Variants in TP53BP1 observed in about 807,000 individuals in gnomAD.
TP53BP1 encodes the protein TP53-binding protein 1.
In TP53BP1, 61 loss-of-function variants were observed where a neutral mutation model predicts 200.8. That is an observed-to-expected ratio of 0.30 (90% confidence interval 0.25 to 0.38). TP53BP1 has a LOEUF of 0.38. TP53BP1 is among the 10% of genes least tolerant of loss of function. The pLI, the probability that TP53BP1 is intolerant of heterozygous loss-of-function variation, is 1.00. For missense variants in TP53BP1, 2,144 were observed against 2,371.9 expected, an observed-to-expected ratio of 0.90 and a Z score of 2.00; for synonymous variants, 822 against 844.3, an observed-to-expected ratio of 0.97 and a Z score of 0.46.
Position 43,447,379 on chromosome 15 carries a change from G to C in TP53BP1, c.2823C>G (p.His941Gln). 1 of 1,599,734 alleles carries C rather than the reference G, an allele frequency of 6.3e-7. No individual in the cohort carries two copies. The highest frequency in any genetic ancestry group is 8.5e-7 in the Non-Finnish European group (1 of 1,176,672). The change falls in exon 13 of 28, where the codon CAC becomes CAG. Residue 941 changes from histidine (H) to glutamine (Q), a missense_variant. His to Gln is a conservative substitution (Grantham distance 24, BLOSUM62 0). Transcript: ENST00000382044. ...IGHLKLEPKR[H>Q]STPIGISNYP... Reference sequence around the variant, plus strand: ...TTATTCACTCACCAATAGGAGTACTGTGTCTCTTGGGCTCCAATTTTAGGT... The same window carrying C: ...TTATTCACTCACCAATAGGAGTACTCTGTCTCTTGGGCTCCAATTTTAGGT...
At chr15:43,470,322 A>G (rs567040143) in intron 10 of TP53BP1, among the ~76,000 whole-genome samples, 1 of 152,346 alleles carries the variant, frequency 6.6e-6, no homozygotes, top group Admixed American at 6.5e-5. Context: ...CTACCCACCC[A>G]TTCATAAAAA....
chr15:43,436,170 T>C (rs2045793555), intron 16 of TP53BP1, among the ~76,000 whole-genome samples: 1 of 152,064 alleles, frequency 6.6e-6, no homozygotes, highest in East Asian at 1.9e-4. Flanking sequence ...TTTGTACTTT[T>C]TGTAGAGACG....
In TP53BP1 at chr15:43,492,259, C is replaced by T. The variant is rs1278366623; in HGVS notation, c.192+25G>A. The T allele has an allele frequency of 5.0e-6, 8 of 1,594,122 alleles. No homozygotes were observed. The Admixed American group carries it at 1.3e-4, about 25-fold the overall frequency. On this transcript the variant is annotated intron_variant, in intron 2 of 27. Transcript: ENST00000382044. ...GTTTAAAAAAAAAAATCTGCTCAAT[C>T]TTCTTCAAACAAGGTATCACTCACC...
intron 20 of TP53BP1, 63 bp from the exon 21 acceptor site, chr15:43,420,798 C>T: frequency 6.9e-7 from 1 of 1,457,328 alleles, no homozygotes; most frequent in Non-Finnish European, 9.3e-7. Context: ...ATATATCTAC[C>T]AATTTTTCCA....
At chr15:43,487,483 T>G (rs1754584887) in intron 4 of TP53BP1, among the ~76,000 whole-genome samples, 1 of 152,114 alleles carries the variant, frequency 6.6e-6, no homozygotes, top group Non-Finnish European at 1.5e-5. Flanking sequence ...AAATGAAGAC[T>G]TATGCTCACA....
chr15:43,481,801 G>A (rs1206048140), intron 4 of TP53BP1, among the ~76,000 whole-genome samples: 2 of 131,798 alleles, frequency 1.5e-5, no homozygotes, highest in Admixed American at 7.4e-5. Context: ...GTGACAGAGC[G>A]AGACTCTGTC....
At chr15:43,469,834 AAC>A (rs1566953802) in intron 11 of TP53BP1, 22 bp downstream of exon 11, 1 of 1,584,482 alleles carries the variant, frequency 6.3e-7, no homozygotes, top group Admixed American at 1.7e-5. Flanking sequence ...TGTTAGGAGA[AAC>A]AACTCTTTTT....
intron 10 of TP53BP1, among the ~76,000 whole-genome samples, chr15:43,473,277 G>C (rs148812301): frequency 6.6e-6 from 1 of 152,202 alleles, no homozygotes; most frequent in Non-Finnish European, 1.5e-5. Flanking sequence ...CTGCTGGCTC[G>C]GGCAGCCTGC....
At chr15:43,447,000 AGACT>A (rs1000141565) in intron 13 of TP53BP1, 5 of 512,222 alleles carry the variant, frequency 9.8e-6, no homozygotes, top group African/African-American at 5.8e-5. Flanking sequence ...GTCAAGCAGC[AGACT>A]GACTAATTAG....
intron 24 of TP53BP1, among the ~76,000 whole-genome samples, chr15:43,410,946 G>T (rs1327718386): frequency 6.6e-6 from 1 of 152,180 alleles, no homozygotes; most frequent in Admixed American, 6.5e-5. Flanking sequence ...ATGGTTATAA[G>T]AAACTCAGAA....
chr15:43,446,367 A>AAG lies in TP53BP1; in HGVS notation c.3040+18_3040+19dup, dbSNP rs1470388399. On this transcript the variant is annotated intron_variant, in intron 14 of 27. Coordinates refer to ENST00000382044, the MANE Select transcript of TP53BP1 (RefSeq NM_001141980.3). Reference sequence around the variant, plus strand: ...GATAATCTGCAGCTACTAATTACCCAAGATTAACATAAAACTTACTTTCCA... The same window carrying AAG: ...GATAATCTGCAGCTACTAATTACCCAAGAGATTAACATAAAACTTACTTTCCA... 8.1e-6 allele frequency: 13 copies of AAG among 1,603,306 alleles called. No homozygotes were observed. The Admixed American group carries it at 2.2e-4, about 27-fold the overall frequency.
rs771896747 is a variant in TP53BP1, at chr15:43,477,639, C to G, written c.909G>C (p.Glu303Asp). Residue 303 changes from glutamate (E) to aspartate (D), a missense_variant, in exon 8 of 28, where the codon GAG becomes GAC. Around this residue, in one of 4 missense-constraint regions of TP53BP1, gnomAD observed 1,700 missense variants for 1,710.3 expected, o/e 0.99. Coordinates refer to ENST00000382044, the MANE Select transcript of TP53BP1 (RefSeq NM_001141980.3). ...GLQIQKSPEP[E>D]VLSTQEDLFD... ...ACAAGTCTTCCTGAGTTGACAAAACCTCAGGCTCTGGTGACTTCTGAATCT... is the reference window on the plus strand; with the variant it reads ...ACAAGTCTTCCTGAGTTGACAAAACGTCAGGCTCTGGTGACTTCTGAATCT... 6.2e-7 allele frequency: 1 copy of G among 1,613,758 alleles called. No homozygotes were observed. Among genetic ancestry groups the G allele is most frequent in the East Asian group, 2.2e-5 (1 of 44,850 alleles).
intron 18 of TP53BP1, among the ~76,000 whole-genome samples, chr15:43,423,993 A>G (rs2045468399): frequency 6.6e-6 from 1 of 152,148 alleles, no homozygotes; most frequent in South Asian, 2.1e-4. Flanking sequence ...GAATACAATG[A>G]TGACTCAGCT....
intron 11 of TP53BP1, among the ~76,000 whole-genome samples, chr15:43,464,932 T>A (rs1371078886): frequency 6.6e-6 from 1 of 151,514 alleles, no homozygotes; most frequent in Non-Finnish European, 1.5e-5. Flanking sequence ...AATAAATAAA[T>A]AAATAAAAAA....
chr15:43,432,464 T>C lies in TP53BP1; in HGVS notation c.3405A>G (p.Glu1135=). 1.9e-6 allele frequency: 3 copies of C among 1,614,218 alleles called. No homozygotes were observed. The highest frequency in any genetic ancestry group is 2.5e-6 in the Non-Finnish European group (3 of 1,180,026). Residue 1135 remains glutamate (E), a synonymous_variant, in exon 17 of 28, where the codon GAA becomes GAG. Coordinates refer to ENST00000382044, the MANE Select transcript of TP53BP1 (RefSeq NM_001141980.3). Reference sequence around the variant, plus strand: ...GATTTTCCTTATTAGTACTCCGTCCTTCTTTCTGGTCTTCTAGCACATCTG... The same window carrying C: ...GATTTTCCTTATTAGTACTCCGTCCCTCTTTCTGGTCTTCTAGCACATCTG... The part of the protein sequence containing the change: ...MVTDVLEDQK[E]GRSTNKENPS...
At chr15:43,501,793 C>T (rs1339959339) in intron 1 of TP53BP1, among the ~76,000 whole-genome samples, 1 of 152,206 alleles carries the variant, frequency 6.6e-6, no homozygotes, top group African/African-American at 2.4e-5. Flanking sequence ...CATTCTTTTT[C>T]ATTGCTCAGC....
intron 14 of TP53BP1, among the ~76,000 whole-genome samples, chr15:43,443,741 A>G (rs989828848): frequency 1.3e-5 from 2 of 152,186 alleles, no homozygotes; most frequent in African/African-American, 2.4e-5. Context: ...TTTCAAGAAC[A>G]TGCAGCAACA....
In TP53BP1 at chr15:43,405,045, C is replaced by A; in HGVS notation, c.*2338G>T. The A allele has an allele frequency of 1.3e-6, 1 of 767,408 alleles. No homozygotes were observed. Among genetic ancestry groups the A allele is most frequent in the Non-Finnish European group, 2.1e-6 (1 of 477,964 alleles). 47.5% of individuals were successfully genotyped at this position (767,408 alleles called of 1,614,324 possible). A position where few individuals can be genotyped will look rare whatever the true frequency, so the allele number is the denominator to read the frequency against. On this transcript the variant is annotated 3_prime_UTR_variant, in exon 28 of 28. Coordinates refer to ENST00000382044, the MANE Select transcript of TP53BP1 (RefSeq NM_001141980.3). ...CCTTTCTCTCTAAAATGTCTGCAAGCAGATTTTTTTCTAAGCTATTGTAGC... is the reference window on the plus strand; with the variant it reads ...CCTTTCTCTCTAAAATGTCTGCAAGAAGATTTTTTTCTAAGCTATTGTAGC...
intron 1 of TP53BP1, among the ~76,000 whole-genome samples, chr15:43,500,319 G>GA (rs2079203043): frequency 6.6e-6 from 1 of 151,838 alleles, no homozygotes; most frequent in African/African-American, 2.4e-5. Context: ...TTTATTAACA[G>GA]AAAAAATTTT....
Sources: gnomAD v4.1 joint callset for allele counts (sites outside exome capture counted in the v4.1 genomes callset) on GRCh38, gnomAD v4.1.1 for gene constraint, gnomAD v4.1.1 regional missense constraint, MANE v1.5 for transcripts, NCBI Gene and HGNC (gene_info 2026-07-23, HGNC 2026-07-21) for gene names.